SERPINB12: variants seen among roughly 807,000 people sequenced by gnomAD.
SERPINB12 encodes serpin family B member 12.
Under a neutral mutation model 41.1 loss-of-function variants are expected in SERPINB12, and 57 were observed. That is an observed-to-expected ratio of 1.39 (90% CI 1.12 to 1.73). SERPINB12 has a LOEUF of 1.73. Ranked by LOEUF, SERPINB12 falls within the 40% of genes most tolerant of loss-of-function variation. The pLI is 0.00. For missense variants in SERPINB12, 536 were observed against 501.9 expected (o/e 1.07, Z -0.65); for synonymous variants, 180 against 181.3 (o/e 0.99, Z 0.06).
chr18:63,561,693 G>A (rs1377681891), intron 5 of SERPINB12, among the ~76,000 whole-genome samples: 9 of 152,146 alleles, frequency 5.9e-5, no homozygotes, highest in Admixed American at 5.9e-4. Context: ...TATACACCAT[G>A]GAATACTACA....
At chr18:63,547,715 TC>T (rs1473470442) in intron 1 of SERPINB12, among the ~76,000 whole-genome samples, 4 of 152,278 alleles carry the variant, frequency 2.6e-5, no homozygotes, top group Middle Eastern at 3.4e-3. Context: ...ATGAACTTTT[TC>T]TTATACAGTA....
chr18:63,539,922 A>C (rs1373383806), upstream of SERPINB12, among the ~76,000 whole-genome samples: 1 of 152,152 alleles, frequency 6.6e-6, no homozygotes, highest in Non-Finnish European at 1.5e-5. Context: ...GCTGGGTGCC[A>C]CTGGAGACAC....
intron 1 of SERPINB12, among the ~76,000 whole-genome samples, chr18:63,544,019 A>G (rs1244194789): frequency 6.6e-6 from 1 of 152,248 alleles, no homozygotes; most frequent in Admixed American, 6.5e-5. Context: ...AAAAACTTCA[A>G]AGGTTTTAAA....
At chr18:63,559,804 C>G in intron 4 of SERPINB12, 86 bp downstream of exon 4, 2 of 1,394,320 alleles carry the variant, frequency 1.4e-6, no homozygotes, top group Non-Finnish European at 2.0e-6. Flanking sequence ...CACCTGCCAT[C>G]TAGAACACAA....
At chr18:63,541,229 C>G (rs1276169343), upstream of SERPINB12, among the ~76,000 whole-genome samples, 1 of 152,184 alleles carries the variant, frequency 6.6e-6, no homozygotes, top group South Asian at 2.1e-4. Context: ...CTCAGATCCT[C>G]TTATTACCTG....
At chr18:63,543,000 C>A (rs894149637) in intron 1 of SERPINB12, among the ~76,000 whole-genome samples, 3 of 152,156 alleles carry the variant, frequency 2.0e-5, no homozygotes, top group Admixed American at 6.5e-5. Flanking sequence ...GCACAGTATT[C>A]CATGCTGTGT....
At chr18:63,543,898 T>C (rs1232379075) in intron 1 of SERPINB12, among the ~76,000 whole-genome samples, 1 of 152,220 alleles carries the variant, frequency 6.6e-6, no homozygotes, top group Non-Finnish European at 1.5e-5. Flanking sequence ...TTTACAGGTG[T>C]GAGCCACTGC....
chr18:63,562,684 A>G (rs988796694), intron 5 of SERPINB12, among the ~76,000 whole-genome samples: 1 of 152,138 alleles, frequency 6.6e-6, no homozygotes, highest in African/African-American at 2.4e-5. Flanking sequence ...TCAAGGCTCT[A>G]CTCAGCTGTC....
At chr18:63,542,828 A>T (rs772098535) in intron 1 of SERPINB12, among the ~76,000 whole-genome samples, 6 of 151,960 alleles carry the variant, frequency 3.9e-5, no homozygotes, top group Non-Finnish European at 8.8e-5. Context: ...AGTATCTGTT[A>T]TTCCTTTTTT....
chr18:63,524,123 C>CT, the SERPINB12 span, among the ~76,000 whole-genome samples: 2,829 of 148,786 alleles, frequency 0.019, 84 homozygotes, highest in African/African-American at 0.062. Context: ...AAAAGAAAAA[C>CT]TTTTTTTTTT....
upstream of SERPINB12, among the ~76,000 whole-genome samples, chr18:63,538,220 T>G (rs576971128): frequency 6.2e-4 from 95 of 152,164 alleles, no homozygotes; most frequent in Non-Finnish European, 1.1e-3. Flanking sequence ...GCAATAAAAT[T>G]CACCCTTTTA....
intron 1 of SERPINB12, among the ~76,000 whole-genome samples, chr18:63,544,146 ACT>A (rs764593980): frequency 6.6e-6 from 1 of 152,060 alleles, no homozygotes; most frequent in African/African-American, 2.4e-5. Flanking sequence ...CCACTGTTCA[ACT>A]CTGTCATTGT....
chr18:63,541,663 A>G (rs1162224066), upstream of SERPINB12, among the ~76,000 whole-genome samples: 1 of 152,114 alleles, frequency 6.6e-6, no homozygotes, highest in Admixed American at 6.6e-5. Context: ...AGGTATTTGT[A>G]CTGAGAGAAG....
chr18:63,557,140 C>T (rs1273986895), intron 2 of SERPINB12, among the ~76,000 whole-genome samples: 1 of 152,184 alleles, frequency 6.6e-6, no homozygotes, highest in East Asian at 1.9e-4. Flanking sequence ...CCTCACTGTA[C>T]CTGTCACATT....
chr18:63,541,937 T>G (rs780229489), upstream of SERPINB12, among the ~76,000 whole-genome samples: 10 of 152,218 alleles, frequency 6.6e-5, no homozygotes, highest in Non-Finnish European at 1.5e-4. Context: ...CTGAAAAGTC[T>G]AGCTTCACAC....
intron 1 of SERPINB12, among the ~76,000 whole-genome samples, chr18:63,542,743 G>C (rs565924681): frequency 6.6e-6 from 1 of 152,124 alleles, no homozygotes; most frequent in Non-Finnish European, 1.5e-5. Context: ...TGTCACCCAG[G>C]TAATAAGCAC....
chr18:63,552,978 GTT>G (rs201393028), intron 1 of SERPINB12, among the ~76,000 whole-genome samples: 1 of 150,272 alleles, frequency 6.7e-6, no homozygotes, highest in Non-Finnish European at 1.5e-5. Flanking sequence ...CTGTCCAGCT[GTT>G]TTTTTTTCGT....
At chr18:63,561,856 G>T (rs141858386) in intron 5 of SERPINB12, among the ~76,000 whole-genome samples, 2 of 152,262 alleles carry the variant, frequency 1.3e-5, no homozygotes, top group Non-Finnish European at 2.9e-5. Context: ...CATAAATATG[G>T]CAAGGAACAA....
the SERPINB12 span, among the ~76,000 whole-genome samples, chr18:63,535,179 G>C: frequency 6.6e-6 from 1 of 152,120 alleles, no homozygotes; most frequent in Non-Finnish European, 1.5e-5. Context: ...AAAATCATTA[G>C]TGGATGCTAA....
Sources: allele counts gnomAD v4.1 joint callset (sites outside exome capture counted in the v4.1 genomes callset), GRCh38; gene constraint gnomAD v4.1.1; transcripts MANE v1.5; gene names NCBI Gene and HGNC (gene_info 2026-07-23, HGNC 2026-07-21).